SLC5A10: variants seen among roughly 807,000 people sequenced by gnomAD.
SLC5A10 encodes the protein solute carrier family 5 member 10, also known as sodium/mannose cotransporter SLC5A10.
In SLC5A10, 55 loss-of-function variants were observed where a neutral mutation model predicts 68.9. The ratio of observed to expected loss-of-function variants is 0.80; its 90% CI spans 0.64 to 1.00. The LOEUF is 1.00. Ranked by LOEUF, SLC5A10 falls within the 50% of genes least tolerant of loss-of-function variation. The pLI, the probability that SLC5A10 is intolerant of heterozygous loss-of-function variation, is 0.00. For missense variants in SLC5A10, 732 were observed against 819.3 expected (o/e 0.89, Z 1.30); for synonymous variants, 344 against 344.8 (o/e 1.00, Z 0.02).
chr17:18,976,765 A>AT, intron 8 of SLC5A10, 89 bp from the exon 9 acceptor site: 2 of 1,535,436 alleles, frequency 1.3e-6, no homozygotes. Context: ...ATCGTGCCTC[A>AT]TGCCCATTCC....
chr17:19,003,553 C>T lies in SLC5A10; in HGVS notation c.983-9857C>T. 1 of 1,558,672 alleles carries T rather than the reference C, an allele frequency of 6.4e-7. No homozygotes were observed. The highest frequency in any genetic ancestry group is 8.7e-7 in the Non-Finnish European group (1 of 1,152,042). ...CCTGGCTGATCATCTTCCGCACCAC[C>T]TCTTTGATGTGGGCCTGCCCGTCTA... On this transcript the variant is annotated intron_variant, in intron 9 of 14. Transcript: ENST00000395645. The surrounding 1 kb of genome is among the most constrained non-coding windows in gnomAD (Gnocchi z 4.5).
chr17:18,983,274 C>T (rs150920827), intron 9 of SLC5A10, among the ~76,000 whole-genome samples: 2 of 152,264 alleles, frequency 1.3e-5, no homozygotes, highest in African/African-American at 4.8e-5. Context: ...CACACAACCC[C>T]GTGAGGCATC....
intron 9 of SLC5A10, among the ~76,000 whole-genome samples, chr17:19,006,026 G>A (rs965379096): frequency 5.9e-5 from 9 of 152,146 alleles, no homozygotes; most frequent in Non-Finnish European, 1.0e-4. Context: ...TCTTACCAAT[G>A]CACAGAGGCT....
rs755660497 is a variant in SLC5A10, at chr17:18,958,758, G to C, written c.183+5G>C. 6.2e-7 allele frequency: 1 copy of C among 1,614,160 alleles called. No individual in the cohort carries two copies. The highest frequency in any genetic ancestry group is 1.1e-5 in the South Asian group (1 of 91,078). The stretch of plus-strand genomic sequence containing the variant: ...CGGGACATGACGTGGTGGCCGGTGA[G>C]TGCACCCTGACTTCTCACACACCCC... On this transcript the variant is annotated splice_donor_5th_base_variant and intron_variant, in intron 2 of 14. Coordinates refer to ENST00000395645, the MANE Select transcript of SLC5A10 (RefSeq NM_001042450.4).
At chr17:18,952,498 C>A in intron 1 of SLC5A10, 182 bp downstream of exon 1, 1 of 642,474 alleles carries the variant, frequency 1.6e-6, no homozygotes, top group East Asian at 3.0e-5. Flanking sequence ...AAGCCCGTTT[C>A]TCTCTTTGGG....
At chr17:18,999,330 C>G (rs912975984) in intron 9 of SLC5A10, among the ~76,000 whole-genome samples, 1 of 152,038 alleles carries the variant, frequency 6.6e-6, no homozygotes, top group African/African-American at 2.4e-5. Flanking sequence ...TCAACAGGAT[C>G]CAGCAGTGAG....
At position 19,004,219 on chromosome 17, in the gene SLC5A10, CGGGGAGGGGCGGCG is replaced by C; in HGVS notation, c.983-9186_983-9173del. The C allele has an allele frequency of 8.3e-6, 1 of 120,842 alleles. No homozygotes were observed. Among genetic ancestry groups the C allele is most frequent in the Non-Finnish European group, 1.7e-5 (1 of 60,210 alleles). The allele number at this position is 120,842 out of a possible 1,614,324, so 7.5% of individuals were successfully genotyped here. On this transcript the variant is annotated intron_variant, in intron 9 of 14. Coordinates refer to ENST00000395645, the MANE Select transcript of SLC5A10 (RefSeq NM_001042450.4). This position sits in a 1 kb window ranked among gnomAD's most constrained non-coding sequence, Gnocchi z 5.4. The stretch of plus-strand genomic sequence containing the variant: ...GGCTCGGCGGGGAGGGCGGGCCGCG[CGGGGAGGGGCGGCG>C]GGGGCGGGGCCGGGAACTCAGGTGG...
intron 4 of SLC5A10, 142 bp from the exon 5 acceptor site, chr17:18,960,406 G>T: frequency 1.4e-6 from 1 of 728,994 alleles, no homozygotes. Context: ...GGGCTGTAAG[G>T]GGTCAGTGCC....
intron 1 of SLC5A10, 84 bp downstream of exon 1, chr17:18,952,400 T>C (rs2042386865): frequency 1.3e-6 from 2 of 1,492,558 alleles, no homozygotes; most frequent in African/African-American, 2.8e-5. Flanking sequence ...CATGTCCCTG[T>C]GGTGTCAGCA....
At chr17:18,953,353 C>G (rs1049748712) in intron 1 of SLC5A10, among the ~76,000 whole-genome samples, 1 of 152,052 alleles carries the variant, frequency 6.6e-6, no homozygotes, top group East Asian at 1.9e-4. Context: ...AGGCTAGTCT[C>G]GAACTCCTGA....
At chr17:18,991,997 G>A (rs1043447040) in intron 9 of SLC5A10, among the ~76,000 whole-genome samples, 1 of 152,164 alleles carries the variant, frequency 6.6e-6, no homozygotes, top group East Asian at 1.9e-4. Flanking sequence ...CTGCACTGGA[G>A]GGAAACACCA....
At chr17:18,977,069 A>G (rs1413626281) in intron 9 of SLC5A10, 80 bp downstream of exon 9, 2 of 1,574,634 alleles carry the variant, frequency 1.3e-6, no homozygotes, top group East Asian at 2.2e-5. Context: ...CGTCACCAGA[A>G]GAAGAGGCAA....
At chr17:19,001,381 G>C (rs750721791) in intron 9 of SLC5A10, among the ~76,000 whole-genome samples, 3 of 152,204 alleles carry the variant, frequency 2.0e-5, no homozygotes, top group Non-Finnish European at 2.9e-5. Context: ...GGCCCCCACT[G>C]TGGGACCCTT....
rs149343527 is a variant in SLC5A10 at position 19,019,724 on chromosome 17, G to C, written c.1422G>C (p.Trp474Cys). ...WRRANEQGAF[W>C]GLIAGLVVGA... ...TCCCTCCTCCCCAGGGGGCCTTCTG[G>C]GGCCTGATAGCAGGGCTGGTGGTGG... The change falls in exon 13 of 15, where the codon TGG becomes TGC. Residue 474 changes from tryptophan (W) to cysteine (C), a missense_variant. Coordinates refer to ENST00000395645, the MANE Select transcript of SLC5A10 (RefSeq NM_001042450.4). The C allele has an allele frequency of 6.2e-7, 1 of 1,610,650 alleles. No homozygotes were observed. The highest frequency in any genetic ancestry group is 8.5e-7 in the Non-Finnish European group (1 of 1,179,550).
rs575331902 is a variant in SLC5A10, at chr17:18,975,159, C to T, written c.847-1695C>T. On this transcript the variant is annotated intron_variant, in intron 8 of 14. Transcript: ENST00000395645. ...CTCCCAAGCACCTAGACAGAACCAC[C>T]GTCTAACTCTCTCATTGTCCAGATG... 4.6e-5 allele frequency among the ~76,000 whole-genome samples: 7 copies of T among 152,304 alleles called. 1 individual carries two copies. The highest frequency in any genetic ancestry group is 2.1e-4 in the South Asian group (1 of 4,824).
chr17:18,995,838 G>T (rs941529695), intron 9 of SLC5A10, among the ~76,000 whole-genome samples: 13 of 151,940 alleles, frequency 8.6e-5, no homozygotes, highest in Non-Finnish European at 1.5e-4. Flanking sequence ...AACCCAGGAG[G>T]TGGAGTTTGC....
At chr17:18,963,676 C>T (rs923291447) in intron 5 of SLC5A10, among the ~76,000 whole-genome samples, 1 of 152,242 alleles carries the variant, frequency 6.6e-6, no homozygotes, top group African/African-American at 2.4e-5. Context: ...AGCCACTGCC[C>T]GTGTGGACAG....
At chr17:18,998,366 C>A (rs73981283) in intron 9 of SLC5A10, among the ~76,000 whole-genome samples, 9,497 of 152,336 alleles carry the variant, frequency 0.062, 978 homozygotes, top group African/African-American at 0.22. Flanking sequence ...GTGGGACCAG[C>A]ACTCTCTGCT....
rs191470207 is a variant in SLC5A10 at position 18,968,156 on chromosome 17, G to A, written c.454-896G>A. On this transcript the variant is annotated intron_variant, in intron 5 of 14. Coordinates refer to ENST00000395645, the MANE Select transcript of SLC5A10 (RefSeq NM_001042450.4). This position sits in a 1 kb window ranked among gnomAD's most constrained non-coding sequence, Gnocchi z 4.1. ...AAGGGGCCTGGGGCCTGCACTTCCT[G>A]GGCCTCGTGCAGATGTGTCCCCACA... Among the ~76,000 whole-genome samples the A allele has an allele frequency of 2.6e-4, 40 of 152,294 alleles. No individual in the cohort carries two copies. The highest frequency in any genetic ancestry group is 1.8e-3 in the Admixed American group (28 of 15,300).
Sources: allele counts gnomAD v4.1 joint callset (sites outside exome capture counted in the v4.1 genomes callset), GRCh38; gene constraint gnomAD v4.1.1; non-coding constraint Gnocchi (gnomAD v3.1); transcripts MANE v1.5; gene names NCBI Gene and HGNC (gene_info 2026-07-23, HGNC 2026-07-21).